The following RTN4 variants were observed in gnomAD, a reference collection of about 807,000 sequenced individuals.
RTN4 encodes reticulon 4, also known as reticulon-4.
Under a neutral mutation model 90.4 loss-of-function variants are expected in RTN4, and 32 were observed. The observed-to-expected ratio is 0.35, with a 90% confidence interval of 0.27 to 0.48. The LOEUF is 0.48. Ranked by LOEUF, RTN4 falls within the 20% of genes least tolerant of loss-of-function variation. The pLI is 0.99. For synonymous variants in RTN4, 629 were observed against 552.5 expected (o/e 1.14, Z -1.94); for missense variants, 1,706 against 1,430.2 (o/e 1.19, Z -3.11).
rs1363552290 is a variant in RTN4, at chr2:54,974,700, A to G, written c.3425T>C (p.Ile1142Thr). 5 of 1,613,092 alleles carry G rather than the reference A, an allele frequency of 3.1e-6. No homozygotes were observed. Among genetic ancestry groups the G allele is most frequent in the South Asian group, 1.1e-5 (1 of 91,074 alleles). The change falls in exon 6 of 9, where the codon ATT becomes ACT. Residue 1142 changes from isoleucine (I) to threonine (T), a missense_variant. Transcript: ENST00000337526. The stretch of plus-strand genomic sequence containing the variant: ...CAATGGCTTTGTAGACTTACCCAAA[A>G]TCAGTAGTGTCAGACCATTAAACAA... Reference protein sequence around the residue: ...GALFNGLTLLILALISLFSVP... With the variant: ...GALFNGLTLLTLALISLFSVP...
intron 3 of RTN4, among the ~76,000 whole-genome samples, chr2:55,001,195 T>C (rs960046802): frequency 3.3e-5 from 5 of 152,184 alleles, no homozygotes; most frequent in African/African-American, 9.7e-5. Context: ...TTACTATTCA[T>C]TTTATTAAAA....
intron 1 of RTN4, among the ~76,000 whole-genome samples, chr2:55,042,989 C>A (rs946877323): frequency 2.6e-5 from 4 of 152,248 alleles, no homozygotes; most frequent in Middle Eastern, 3.4e-3. Flanking sequence ...AATCAATGAT[C>A]ATCATTCCAA....
Position 55,026,415 on chromosome 2 carries a change from C to T in RTN4, c.1684G>A (p.Glu562Lys). 1 of 1,613,928 alleles carries T rather than the reference C, an allele frequency of 6.2e-7. No homozygotes were observed. Among genetic ancestry groups the T allele is most frequent in the Admixed American group, 1.7e-5 (1 of 59,954 alleles). ...TTTGTACCAGTAACTTCATTCAATT[C>T]ACTTTCACATGCTTCCTGTACTAAA... ...PDLVQEACES[E>K]LNEVTGTKIA... Residue 562 changes from glutamate (E) to lysine (K), a missense_variant, in exon 3 of 9, where the codon GAA (glutamate) becomes AAA (lysine). By Grantham distance (56) the Glu-to-Lys change is moderately conservative. Transcript: ENST00000337526.
intron 1 of RTN4, among the ~76,000 whole-genome samples, chr2:55,041,770 T>C (rs1356694604): frequency 6.6e-6 from 1 of 151,990 alleles, no homozygotes; most frequent in Non-Finnish European, 1.5e-5. Flanking sequence ...GGAGTAAACA[T>C]GGGGGAAAAT....
the RTN4 span, among the ~76,000 whole-genome samples, chr2:55,136,650 G>A: frequency 2.6e-5 from 4 of 152,198 alleles, no homozygotes; most frequent in Admixed American, 1.3e-4. Context: ...TTCACCTCTT[G>A]CTGGGCATTG....
exon 1 of RTN4, chr2:55,112,559 C>G (rs1342767942): frequency 2.0e-5 from 3 of 152,308 alleles, no homozygotes. Context: ...CCAGACACAG[C>G]CCCTCCAGCG....
At chr2:55,007,899 T>C (rs1268557975) in intron 3 of RTN4, among the ~76,000 whole-genome samples, 1 of 152,098 alleles carries the variant, frequency 6.6e-6, no homozygotes, top group Non-Finnish European at 1.5e-5. Flanking sequence ...AGTGGTTATA[T>C]CATTCTCCTA....
intron 3 of RTN4, among the ~76,000 whole-genome samples, chr2:55,013,545 C>T (rs1680796957): frequency 7.7e-6 from 1 of 130,040 alleles, no homozygotes; most frequent in African/African-American, 3.0e-5. Flanking sequence ...TCAATTCCTA[C>T]TAAACAAGAA....
chr2:55,030,257 C>T (rs1361877732), intron 1 of RTN4, among the ~76,000 whole-genome samples: 1 of 151,904 alleles, frequency 6.6e-6, no homozygotes, highest in Non-Finnish European at 1.5e-5. Flanking sequence ...ATAATAAAAA[C>T]TATATTCCTG....
At chr2:55,046,936 G>A (rs200089257) in intron 1 of RTN4, 10 of 152,342 alleles carry the variant, frequency 6.6e-5, no homozygotes, top group Non-Finnish European at 1.5e-4. Flanking sequence ...AAGATTCCAA[G>A]AGAGTGCTGT....
the RTN4 span, among the ~76,000 whole-genome samples, chr2:55,132,669 G>A: frequency 0.26 from 38,671 of 151,190 alleles, 5,687 homozygotes; most frequent in East Asian, 0.5. Context: ...AAAATTAGCC[G>A]GGCATGATGG....
chr2:55,128,506 C>G, the RTN4 span, among the ~76,000 whole-genome samples: 1 of 152,110 alleles, frequency 6.6e-6, no homozygotes, highest in Non-Finnish European at 1.5e-5. Context: ...GTCCCGAAGG[C>G]CTACCAGATT....
Position 55,050,173 on chromosome 2 carries a change from T to C in RTN4, c.128A>G (p.Glu43Gly). Reference protein sequence around the residue: ...DEEEEEEEEEEDEDEDLEELE... With the variant: ...DEEEEEEEEEGDEDEDLEELE... ...CTCCTCCAGGTCTTCGTCCTCGTCC[T>C]CCTCTTCCTCCTCCTCTTCTTCCTC... Residue 43 changes from glutamate (E) to glycine (G), a missense_variant, in exon 1 of 9, where the codon GAG becomes GGG. Transcript: ENST00000337526. This position sits in a 1 kb window ranked among gnomAD's most constrained non-coding sequence, Gnocchi z 4.6. The C allele has an allele frequency of 6.4e-7, 1 of 1,567,488 alleles. No individual in the cohort carries two copies. The highest frequency in any genetic ancestry group is 2.5e-5 in the East Asian group (1 of 40,158).
chr2:55,010,294 G>T (rs1214046303), intron 3 of RTN4: 2 of 1,451,708 alleles, frequency 1.4e-6, no homozygotes, highest in Non-Finnish European at 1.8e-6. Flanking sequence ...ACGTCTTCTG[G>T]GTGTGGAACA....
At chr2:55,024,071 T>C (rs10179491) in intron 3 of RTN4, among the ~76,000 whole-genome samples, 16,908 of 152,164 alleles carry the variant, frequency 0.11, 1,381 homozygotes, top group African/African-American at 0.23. Flanking sequence ...AATACCAACA[T>C]ATCCAAAACC....
intron 1 of RTN4, among the ~76,000 whole-genome samples, chr2:55,093,697 G>C (rs754013259): frequency 2.5e-4 from 38 of 152,116 alleles, no homozygotes; most frequent in Non-Finnish European, 4.7e-4. Context: ...AAGGAGAAGA[G>C]AAATTGGTAA....
chr2:55,035,905 T>C (rs923341551), intron 1 of RTN4, among the ~76,000 whole-genome samples: 2 of 152,068 alleles, frequency 1.3e-5, no homozygotes, highest in Non-Finnish European at 2.9e-5. Context: ...CAAAATGAAA[T>C]AGATGCATTC....
intron 2 of RTN4, 51 bp from the exon 3 acceptor site, chr2:55,027,536 T>G (rs1304589406): frequency 6.5e-7 from 1 of 1,534,192 alleles, no homozygotes; most frequent in South Asian, 1.3e-5. Flanking sequence ...GTTCTCAGAG[T>G]TAATGCAAGT....
At position 54,982,512 on chromosome 2, in the gene RTN4, T is replaced by C. The variant is rs529966963; in HGVS notation, c.3360+3A>G. 3 of 1,605,572 alleles carry C rather than the reference T, an allele frequency of 1.9e-6. No homozygotes were observed. The East Asian group carries it at 6.7e-5, about 36-fold the overall frequency. On this transcript the variant is annotated splice_donor_region_variant and intron_variant, in intron 5 of 8. Transcript: ENST00000337526. ...TCAAAAATGAAAGGCAAAATAAACT[T>C]ACCTTCAGAGAATCAACTAAATCAT...
Sources: allele counts gnomAD v4.1 joint callset (sites outside exome capture counted in the v4.1 genomes callset), GRCh38; gene constraint gnomAD v4.1.1; non-coding constraint Gnocchi (gnomAD v3.1); transcripts MANE v1.5; gene names NCBI Gene and HGNC (gene_info 2026-07-23, HGNC 2026-07-21).